LRPPRC: variants seen among roughly 807,000 people sequenced by gnomAD.
LRPPRC encodes the protein leucine rich pentatricopeptide repeat containing.
A neutral mutation model predicts 180.3 loss-of-function variants in LRPPRC; 120 were observed. The ratio of observed to expected loss-of-function variants is 0.67; its 90% CI spans 0.57 to 0.77. The LOEUF is 0.77. LRPPRC is among the 30% of genes least tolerant of loss of function. The pLI, the probability that LRPPRC is intolerant of heterozygous loss-of-function variation, is 0.00. For missense variants in LRPPRC, 2,012 were observed against 1,657.2 expected (o/e 1.21, Z -3.72); for synonymous variants, 723 against 600.0 (o/e 1.21, Z -3.00).
Position 43,895,155 on chromosome 2 carries a change from C to T in LRPPRC, c.3901-526G>A, listed in dbSNP as rs892184635. Among the ~76,000 whole-genome samples, 4 of 152,236 alleles carry T rather than the reference C, an allele frequency of 2.6e-5. No homozygotes were observed. The East Asian group carries it at 7.7e-4, about 29-fold the overall frequency. ...GCGAGTGAATACAGAACTGCTATGC[C>T]GTAATGAATATCTGCTGAGTATTTC... On this transcript the variant is annotated intron_variant, in intron 35 of 37. Transcript: ENST00000260665.
intron 23 of LRPPRC, among the ~76,000 whole-genome samples, chr2:43,935,419 T>C (rs1418994624): frequency 6.6e-6 from 1 of 152,200 alleles, no homozygotes; most frequent in Non-Finnish European, 1.5e-5. Flanking sequence ...AAGTAGGAAA[T>C]AACCTCAAGT....
In LRPPRC at chr2:43,899,227, G is replaced by C. The variant is rs200748493; in HGVS notation, c.3817C>G (p.Leu1273Val). ...DAGKVDDARA[L>V]LQRCGAIAEQ... ...GAGTGGAGGGTCATTACCTGTAGGA[G>C]AGCTCTGGCATCATCCACCTTGCCT... is the stretch of plus-strand genomic sequence containing the variant. The change falls in exon 34 of 38, where the codon CTC (leucine) becomes GTC (valine). Residue 1273 changes from leucine to valine, a missense_variant. Coordinates refer to ENST00000260665, the MANE Select transcript of LRPPRC (RefSeq NM_133259.4). 1.6e-5 allele frequency: 26 copies of C among 1,612,576 alleles called. No individual in the cohort carries two copies. The highest frequency in any genetic ancestry group is 2.7e-5 in the African/African-American group (2 of 74,884).
chr2:43,978,464 G>C (rs1399679125), intron 3 of LRPPRC, among the ~76,000 whole-genome samples: 1 of 152,036 alleles, frequency 6.6e-6, no homozygotes, highest in East Asian at 1.9e-4. Flanking sequence ...TTATATGGAG[G>C]AATTAATGTT....
At chr2:43,959,337 T>C in intron 13 of LRPPRC, 1 of 625,320 alleles carries the variant, frequency 1.6e-6, no homozygotes, top group Non-Finnish European at 2.9e-6. Context: ...CTGGACACTT[T>C]GCCTTTCCCT....
intron 16 of LRPPRC, among the ~76,000 whole-genome samples, chr2:43,948,761 T>G (rs988631377): frequency 2.0e-5 from 3 of 152,122 alleles, no homozygotes; most frequent in Admixed American, 2.0e-4. Context: ...GAATCTTACT[T>G]CAATCTATTT....
At chr2:43,948,043 T>A in intron 18 of LRPPRC, 79 bp downstream of exon 18, 1 of 1,025,706 alleles carries the variant, frequency 9.7e-7, no homozygotes. Flanking sequence ...ACCAAAAGCA[T>A]CATATTTAAA....
rs1392049225 is a variant in LRPPRC, at chr2:43,922,530, C to T, written c.2896+2537G>A. Among the ~76,000 whole-genome samples the T allele has an allele frequency of 6.9e-4, 105 of 152,210 alleles. 1 individual carries two copies. Among genetic ancestry groups the T allele is most frequent in the Non-Finnish European group, 1.0e-4 (7 of 68,004 alleles). ...TTTAAAAAGCATAATGAGGCCAAGG[C>T]GGGTGGATCACAAGGTCAGGAGTTC... is the stretch of plus-strand genomic sequence containing the variant. On this transcript the variant is annotated intron_variant, in intron 27 of 37. Transcript: ENST00000260665.
intron 27 of LRPPRC, among the ~76,000 whole-genome samples, chr2:43,921,068 G>C (rs373047026): frequency 3.9e-5 from 6 of 152,188 alleles, no homozygotes; most frequent in African/African-American, 1.2e-4. Context: ...GAGGTAGGCA[G>C]ATTAGTTGAG....
intron 11 of LRPPRC, among the ~76,000 whole-genome samples, chr2:43,968,499 T>C (rs750383992): frequency 3.3e-5 from 5 of 152,168 alleles, no homozygotes; most frequent in Admixed American, 6.5e-5. Context: ...AAAAAAGAAT[T>C]TTCAATATTA....
At chr2:43,992,610 G>C (rs1241326254) in intron 1 of LRPPRC, among the ~76,000 whole-genome samples, 3 of 152,176 alleles carry the variant, frequency 2.0e-5, no homozygotes, top group African/African-American at 7.2e-5. Flanking sequence ...GAAGGGGCTG[G>C]AGGAAAAGGG....
At position 43,976,975 on chromosome 2, in the gene LRPPRC, T is replaced by C; in HGVS notation, c.650+19A>G. ...ATGTACAAATTTGTTCGCTTAAACATGTTCATACAGATCCATACCTGGCAC... is the reference window on the plus strand; with the variant it reads ...ATGTACAAATTTGTTCGCTTAAACACGTTCATACAGATCCATACCTGGCAC... On this transcript the variant is annotated intron_variant, in intron 5 of 37. Coordinates refer to ENST00000260665, the MANE Select transcript of LRPPRC (RefSeq NM_133259.4). The C allele has an allele frequency of 6.2e-7, 1 of 1,605,010 alleles. No homozygotes were observed. Among genetic ancestry groups the C allele is most frequent in the Non-Finnish European group, 8.5e-7 (1 of 1,171,928 alleles).
chr2:43,955,714 G>A (rs1673085375), intron 14 of LRPPRC, among the ~76,000 whole-genome samples: 1 of 152,060 alleles, frequency 6.6e-6, no homozygotes, highest in African/African-American at 2.4e-5. Flanking sequence ...CTCTGGCCTT[G>A]GGGACAGAGC....
At chr2:43,946,855 C>G (rs902347746) in intron 20 of LRPPRC, among the ~76,000 whole-genome samples, 3 of 152,006 alleles carry the variant, frequency 2.0e-5, no homozygotes, top group Non-Finnish European at 4.4e-5. Flanking sequence ...CCCTTTATCT[C>G]AGAAAGAGCT....
At chr2:43,969,363 C>G (rs1400584860) in intron 11 of LRPPRC, among the ~76,000 whole-genome samples, 1 of 149,482 alleles carries the variant, frequency 6.7e-6, no homozygotes, top group African/African-American at 2.5e-5. Flanking sequence ...AGTGAGCCGA[C>G]ATCACCACTG....
chr2:43,914,147 A>G (rs982680049), intron 29 of LRPPRC, among the ~76,000 whole-genome samples: 4 of 152,202 alleles, frequency 2.6e-5, no homozygotes, highest in African/African-American at 7.2e-5. Context: ...TAACAATCGT[A>G]TATAGTATTT....
chr2:43,960,579 T>A lies in LRPPRC; in HGVS notation c.1544A>T (p.Glu515Val), dbSNP rs1164879709. 6.2e-7 allele frequency: 1 copy of A among 1,606,520 alleles called. No individual in the cohort carries two copies. Among genetic ancestry groups the A allele is most frequent in the South Asian group, 1.1e-5 (1 of 90,998 alleles). ...AAAGTCTAAGTTCCCATTTGCTGCT[T>A]CACTTCTCAATCCAGCTTGAGAAAA... ...DMFSQAGLRSEAANGNLDFVL... is the reference protein window; with the variant it reads ...DMFSQAGLRSVAANGNLDFVL... The change falls in exon 13 of 38, where the codon GAA becomes GTA. Residue 515 changes from glutamate to valine, a missense_variant. Transcript: ENST00000260665.
At chr2:43,926,278 C>T (rs1021282949) in intron 25 of LRPPRC, among the ~76,000 whole-genome samples, 3 of 152,102 alleles carry the variant, frequency 2.0e-5, no homozygotes, top group Non-Finnish European at 4.4e-5. Flanking sequence ...AAGTTCATTC[C>T]ATAAATCTTT....
intron 25 of LRPPRC, among the ~76,000 whole-genome samples, chr2:43,927,241 C>A (rs2105045239): frequency 6.6e-6 from 1 of 152,296 alleles, no homozygotes; most frequent in South Asian, 2.1e-4. Flanking sequence ...TTGATCAAAC[C>A]AGGTATCCCT....
intron 31 of LRPPRC, chr2:43,903,193 A>G (rs1670949750): frequency 6.6e-6 from 1 of 152,240 alleles, no homozygotes; most frequent in South Asian, 2.1e-4. Flanking sequence ...CCTTCTGTAC[A>G]GTTAATGACT....
Sources: allele counts gnomAD v4.1 joint callset (sites outside exome capture counted in the v4.1 genomes callset), GRCh38; gene constraint gnomAD v4.1.1; transcripts MANE v1.5; gene names NCBI Gene and HGNC (gene_info 2026-07-23, HGNC 2026-07-21).